Variants in BMERB1 observed in about 807,000 individuals in gnomAD.
BMERB1 encodes bMERB domain containing 1.
In BMERB1, 12 loss-of-function variants were observed where a neutral mutation model predicts 23.6. The observed-to-expected ratio is 0.51, with a 90% confidence interval of 0.33 to 0.82. The LOEUF (loss-of-function observed/expected upper bound fraction) is 0.82, where lower values mean the gene tolerates loss of function less well. Among genes scored for constraint, BMERB1 ranks in the 40% least tolerant of loss-of-function variants. BMERB1 has a pLI of 0.03. For synonymous variants in BMERB1, 122 were observed against 96.6 expected (o/e 1.26, Z -1.54); for missense variants, 247 against 255.4 (o/e 0.97, Z 0.22).
At chr16:15,547,044 G>A (rs2029939817) in intron 2 of BMERB1, among the ~76,000 whole-genome samples, 2 of 143,454 alleles carry the variant, frequency 1.4e-5, no homozygotes, top group Admixed American at 7.4e-5. Context: ...ACAGAGTCTC[G>A]CTCTGTCGCC....
intron 1 of BMERB1, among the ~76,000 whole-genome samples, chr16:15,454,555 G>A (rs569169882): frequency 3.9e-4 from 59 of 152,354 alleles, no homozygotes; most frequent in Admixed American, 1.4e-3. Flanking sequence ...CACTTTGGGA[G>A]GCCAAGGCGG....
intron 1 of BMERB1, among the ~76,000 whole-genome samples, chr16:15,498,718 AAAG>A (rs1452635776): frequency 6.6e-6 from 1 of 152,128 alleles, no homozygotes; most frequent in Non-Finnish European, 1.5e-5. Flanking sequence ...GAGAGAAAGG[AAAG>A]AAGGAGAAAG....
At chr16:15,477,623 C>T (rs1262468165) in intron 1 of BMERB1, among the ~76,000 whole-genome samples, 2 of 152,098 alleles carry the variant, frequency 1.3e-5, no homozygotes, top group African/African-American at 4.8e-5. Flanking sequence ...AAAGTGAGAT[C>T]ATGGCTTAAA....
chr16:15,528,559 T>A (rs1407230979), intron 2 of BMERB1, among the ~76,000 whole-genome samples: 1 of 151,646 alleles, frequency 6.6e-6, no homozygotes, highest in Non-Finnish European at 1.5e-5. Flanking sequence ...CACCCCCAGC[T>A]CCCTCCCTTA....
intron 1 of BMERB1, among the ~76,000 whole-genome samples, chr16:15,464,558 A>G (rs923317755): frequency 6.6e-6 from 1 of 152,174 alleles, no homozygotes; most frequent in African/African-American, 2.4e-5. Context: ...TCTTGATCGT[A>G]TGGTAAACAA....
At chr16:15,474,172 C>CT (rs891767030) in intron 1 of BMERB1, among the ~76,000 whole-genome samples, 285 of 137,544 alleles carry the variant, frequency 2.1e-3, no homozygotes, top group African/African-American at 5.5e-3. Flanking sequence ...CAAGATTTTT[C>CT]TTTTTTTTTT....
At chr16:15,445,776 A>C (rs941058478) in intron 1 of BMERB1, among the ~76,000 whole-genome samples, 3 of 152,170 alleles carry the variant, frequency 2.0e-5, no homozygotes, top group Non-Finnish European at 4.4e-5. Flanking sequence ...ACTTCTGGGT[A>C]TTTACCCAAC....
At chr16:15,533,049 A>G in intron 2 of BMERB1, 1 of 455,690 alleles carries the variant, frequency 2.2e-6, no homozygotes, top group Non-Finnish European at 4.4e-6. Context: ...TCTGTTAAAT[A>G]GCCATGCATC....
chr16:15,436,780 A>G (rs1161181146), intron 1 of BMERB1, among the ~76,000 whole-genome samples: 2 of 152,000 alleles, frequency 1.3e-5, no homozygotes, highest in African/African-American at 2.4e-5. Context: ...AATAATCTCA[A>G]CAATGGCTGC....
chr16:15,548,519 C>A (rs1034228134), intron 2 of BMERB1, among the ~76,000 whole-genome samples: 5 of 152,148 alleles, frequency 3.3e-5, no homozygotes, highest in Non-Finnish European at 7.3e-5. Flanking sequence ...TCAAAATCTG[C>A]AGCAGTGGGA....
intron 1 of BMERB1, among the ~76,000 whole-genome samples, chr16:15,485,744 G>A (rs887456410): frequency 6.7e-6 from 1 of 150,008 alleles, no homozygotes; most frequent in East Asian, 1.9e-4. Context: ...ACAACAACAA[G>A]AAAAACTAAA....
chr16:15,508,832 A>G (rs2051623651), intron 1 of BMERB1, among the ~76,000 whole-genome samples: 1 of 150,324 alleles, frequency 6.7e-6, no homozygotes. Context: ...CCCCACCAAA[A>G]AAAAAAAAAA....
chr16:15,469,681 T>A (rs2051212951), intron 1 of BMERB1, among the ~76,000 whole-genome samples: 1 of 152,226 alleles, frequency 6.6e-6, no homozygotes, highest in African/African-American at 2.4e-5. Flanking sequence ...TCTGTAAATT[T>A]CAGCATACAT....
At chr16:15,531,928 A>G (rs908051469) in intron 2 of BMERB1, among the ~76,000 whole-genome samples, 1 of 152,168 alleles carries the variant, frequency 6.6e-6, no homozygotes, top group African/African-American at 2.4e-5. Context: ...CCCAAAGAGA[A>G]ATGGGAGGGA....
chr16:15,478,164 T>C (rs1241603812), intron 1 of BMERB1, among the ~76,000 whole-genome samples: 1 of 152,050 alleles, frequency 6.6e-6, no homozygotes, highest in Non-Finnish European at 1.5e-5. Context: ...TTCTCTAGTT[T>C]TTAATTTTTT....
In BMERB1 at chr16:15,586,962, G is replaced by A; in HGVS notation, c.*133G>A. 1 of 656,062 alleles carries A rather than the reference G, an allele frequency of 1.5e-6. No individual in the cohort carries two copies. The highest frequency in any genetic ancestry group is 2.6e-6 in the Non-Finnish European group (1 of 381,862). The allele number at this position is 656,062 out of a possible 1,614,324, so 40.6% of individuals were successfully genotyped here. ...GGCAAGCCCGTGACTGTCACCAGAG[G>A]CCATGGGCACGGCAGGCGGGCCTGG... On this transcript the variant is annotated 3_prime_UTR_variant, in exon 6 of 6. Coordinates refer to ENST00000300006, the MANE Select transcript of BMERB1 (RefSeq NM_033201.3).
chr16:15,585,384 G>A (rs1298242652), intron 5 of BMERB1, among the ~76,000 whole-genome samples: 1 of 152,172 alleles, frequency 6.6e-6, no homozygotes, highest in Non-Finnish European at 1.5e-5. Flanking sequence ...ATTCCAAGTT[G>A]AAAAATAAAA....
At chr16:15,529,975 G>T (rs2051951091) in intron 2 of BMERB1, among the ~76,000 whole-genome samples, 1 of 152,186 alleles carries the variant, frequency 6.6e-6, no homozygotes, top group African/African-American at 2.4e-5. Flanking sequence ...TCAGGTGTTG[G>T]CAGAGCCGTG....
intron 2 of BMERB1, among the ~76,000 whole-genome samples, chr16:15,551,877 G>A (rs1722349153): frequency 6.6e-6 from 1 of 152,110 alleles, no homozygotes; most frequent in South Asian, 2.1e-4. Context: ...TTTAAAACCA[G>A]CAGCTCTCTT....
Sources: gnomAD v4.1 joint callset for allele counts (sites outside exome capture counted in the v4.1 genomes callset) on GRCh38, gnomAD v4.1.1 for gene constraint, MANE v1.5 for transcripts, NCBI Gene and HGNC (gene_info 2026-07-23, HGNC 2026-07-21) for gene names.